The following SLC39A3 variants were observed in gnomAD, a reference collection of about 807,000 sequenced individuals.
The protein encoded by SLC39A3 is solute carrier family 39 member 3.
A neutral mutation model predicts 5.1 loss-of-function variants in SLC39A3; 3 were observed. The ratio of observed to expected loss-of-function variants is 0.59; its 90% CI spans 0.27 to 1.54. The LOEUF is 1.54. SLC39A3 is among the 40% of genes most tolerant of loss of function. The pLI is 0.12. For missense variants in SLC39A3, 412 were observed against 436.4 expected (o/e 0.94, Z 0.50); for synonymous variants, 250 against 218.8 (o/e 1.14, Z -1.26).
rs550964582 is a variant in SLC39A3 at position 2,737,395 on chromosome 19, G to A, written c.-122-16C>T. On this transcript the variant is annotated splice_polypyrimidine_tract_variant and intron_variant, in intron 1 of 2. Transcript: ENST00000269740. ...AGTCCAGCAACTGTGAACATCAGGG[G>A]CACTGCATTAGCTTTCTTTCTTTTT... is the stretch of plus-strand genomic sequence containing the variant. The A allele has an allele frequency of 4.2e-6, 6 of 1,412,988 alleles. No homozygotes were observed. The East Asian group carries it at 1.0e-4, about 24-fold the overall frequency. 87.5% of individuals were successfully genotyped at this position (1,412,988 alleles called of 1,614,324 possible).
Position 2,735,898 on chromosome 19 carries a change from G to A in SLC39A3, c.210+1150C>T, listed in dbSNP as rs1914351226. 1.7e-5 allele frequency: 17 copies of A among 985,402 alleles called. No homozygotes were observed. In the South Asian group the frequency reaches 4.7e-4, roughly 27 times the overall value. 61.0% of individuals were successfully genotyped at this position (985,402 alleles called of 1,614,324 possible). A position where few individuals can be genotyped will look rare whatever the true frequency, so the allele number is the denominator to read the frequency against. ...CTCCTCCTTTCTGGACACTAGGCAC[G>A]AGGAAAAGCAGGGCCAGGGGTTGGG... On this transcript the variant is annotated intron_variant, in intron 2 of 2. Transcript: ENST00000269740. The surrounding 1 kb of genome is among the most constrained non-coding windows in gnomAD (Gnocchi z 5.7).
Position 2,734,991 on chromosome 19 carries a change from G to A in SLC39A3, c.211-1506C>T. On this transcript the variant is annotated intron_variant, in intron 2 of 2. Transcript: ENST00000269740. The surrounding 1 kb of genome is among the most constrained non-coding windows in gnomAD (Gnocchi z 4.6). The stretch of plus-strand genomic sequence containing the variant: ...TGCAGTGGGTGAGGCTGGGGGCTCG[G>A]GAGTAGGGACCTCATCCGCCTGACC... 2.0e-6 allele frequency: 2 copies of A among 985,486 alleles called. No individual in the cohort carries two copies. Among genetic ancestry groups the A allele is most frequent in the Non-Finnish European group, 2.4e-6 (2 of 829,976 alleles). 61.0% of individuals were successfully genotyped at this position (985,486 alleles called of 1,614,324 possible).
chr19:2,737,484 C>A (rs1914408991), intron 1 of SLC39A3, 105 bp from the exon 2 acceptor site: 3 of 686,028 alleles, frequency 4.4e-6, no homozygotes, highest in Non-Finnish European at 6.8e-6. Context: ...GGTGCAATCT[C>A]CGCTCACTGC....
In SLC39A3 at chr19:2,735,662, G is replaced by T; in HGVS notation, c.210+1386C>A. The T allele has an allele frequency of 4.7e-6, 1 of 214,062 alleles. No homozygotes were observed. The highest frequency in any genetic ancestry group is 8.0e-6 in the Non-Finnish European group (1 of 124,678). The allele number at this position is 214,062 out of a possible 1,614,324, so 13.3% of individuals were successfully genotyped here. ...ATGAACTCAGCGCTAACCGATCTGGGGCGGTCATCACAGCTGCAACATCCC... is the reference window on the plus strand; with the variant it reads ...ATGAACTCAGCGCTAACCGATCTGGTGCGGTCATCACAGCTGCAACATCCC... On this transcript the variant is annotated intron_variant, in intron 2 of 2. Transcript: ENST00000269740. The surrounding 1 kb of genome is among the most constrained non-coding windows in gnomAD (Gnocchi z 5.7).
Position 2,735,207 on chromosome 19 carries a change from G to A in SLC39A3, c.211-1722C>T. 2.0e-6 allele frequency: 2 copies of A among 985,464 alleles called. No homozygotes were observed. The highest frequency in any genetic ancestry group is 2.4e-6 in the Non-Finnish European group (2 of 829,956). The allele number at this position is 985,464 out of a possible 1,614,324, so 61.0% of individuals were successfully genotyped here. ...CTGCGATGCAGGAGATGTCAGAGAT[G>A]ACCAAGATCTCCATCCTCGCAGTGC... is the stretch of plus-strand genomic sequence containing the variant. On this transcript the variant is annotated intron_variant, in intron 2 of 2. Coordinates refer to ENST00000269740, the MANE Select transcript of SLC39A3 (RefSeq NM_144564.5). This position sits in a 1 kb window ranked among gnomAD's most constrained non-coding sequence, Gnocchi z 5.7.
chr19:2,736,271 C>T (rs1388775627), intron 2 of SLC39A3: 1 of 851,892 alleles, frequency 1.2e-6, no homozygotes, highest in Non-Finnish European at 1.4e-6. Context: ...ATGGGAAGGA[C>T]TTGAACTTGC....
rs146920251 is a variant in SLC39A3 at position 2,733,987 on chromosome 19, G to A, written c.211-502C>T. Reference sequence around the variant, plus strand: ...GCACTGGCCTTGCGTGTTCTGCCGCGGGGCCTCCTCTCTGCTTCCCTGACC... The same window carrying A: ...GCACTGGCCTTGCGTGTTCTGCCGCAGGGCCTCCTCTCTGCTTCCCTGACC... On this transcript the variant is annotated intron_variant, in intron 2 of 2. Coordinates refer to ENST00000269740, the MANE Select transcript of SLC39A3 (RefSeq NM_144564.5). This position sits in a 1 kb window ranked among gnomAD's most constrained non-coding sequence, Gnocchi z 6.1. Among the ~76,000 whole-genome samples the A allele has an allele frequency of 9.3e-3, 1,419 of 152,290 alleles. 16 individuals are homozygous for A. The highest frequency in any genetic ancestry group is 0.032 in the African/African-American group (1,337 of 41,558).
At position 2,733,233 on chromosome 19, in the gene SLC39A3, G is replaced by T. The variant is rs760143378; in HGVS notation, c.463C>A (p.Pro155Thr). 1 of 1,608,824 alleles carries T rather than the reference G, an allele frequency of 6.2e-7. No homozygotes were observed. The highest frequency in any genetic ancestry group is 8.5e-7 in the Non-Finnish European group (1 of 1,177,534). Reference protein sequence around the residue: ...ALYVEPHGHGPSLSVQGLSRA... With the variant: ...ALYVEPHGHGTSLSVQGLSRA... ...GAGAGGCCCTGCACGCTCAGGCTGG[G>T]GCCGTGGCCGTGGGGCTCCACGTAC... Residue 155 changes from proline to threonine, a missense_variant, in exon 3 of 3, where the codon CCC becomes ACC. By Grantham distance (38) the Pro-to-Thr change is conservative. Coordinates refer to ENST00000269740, the MANE Select transcript of SLC39A3 (RefSeq NM_144564.5). This position sits in a 1 kb window ranked among gnomAD's most constrained non-coding sequence, Gnocchi z 6.1.
At chr19:2,737,430 T>G in intron 1 of SLC39A3, 51 bp from the exon 2 acceptor site, 1 of 1,285,052 alleles carries the variant, frequency 7.8e-7, no homozygotes, top group Non-Finnish European at 1.0e-6. Context: ...TTCTTTTTTT[T>G]TTTTTAGACA....
rs369270110 is a variant in SLC39A3 at position 2,733,292 on chromosome 19, C to T, written c.404G>A (p.Ser135Asn). The change falls in exon 3 of 3, where the codon AGC becomes AAC. Residue 135 changes from serine to asparagine, a missense_variant. By Grantham distance (46) the Ser-to-Asn change is conservative (BLOSUM62 1). Transcript: ENST00000269740. This position sits in a 1 kb window ranked among gnomAD's most constrained non-coding sequence, Gnocchi z 6.1. ...GCCCCGCGCGCCCCCCATGAAGGGG[C>T]TCTCATACTCCGAGTCGCTGCCCAC... is the stretch of plus-strand genomic sequence containing the variant. ...SDVGSDSEYESPFMGGARGHA... is the reference protein window; with the variant it reads ...SDVGSDSEYENPFMGGARGHA... 1.9e-5 allele frequency: 30 copies of T among 1,612,832 alleles called. No homozygotes were observed. The highest frequency in any genetic ancestry group is 2.4e-5 in the Non-Finnish European group (28 of 1,180,008).
chr19:2,736,114 C>T, intron 2 of SLC39A3: 2 of 985,584 alleles, frequency 2.0e-6, no homozygotes, highest in Non-Finnish European at 2.4e-6. Flanking sequence ...AGGGGACCCA[C>T]ACTCTGGGCT....
chr19:2,738,572 C>T (rs762601430), intron 1 of SLC39A3, among the ~76,000 whole-genome samples: 1 of 152,244 alleles, frequency 6.6e-6, no homozygotes, highest in Middle Eastern at 3.4e-3. Context: ...TCCAGCGAGG[C>T]CTCCTTCTTC....
In SLC39A3 at chr19:2,735,276, C is replaced by G. The variant is rs1914325312; in HGVS notation, c.210+1772G>C. 1.1e-6 allele frequency: 1 copy of G among 932,858 alleles called. No homozygotes were observed. Among genetic ancestry groups the G allele is most frequent in the South Asian group, 4.9e-5 (1 of 20,244 alleles). 57.8% of individuals were successfully genotyped at this position (932,858 alleles called of 1,614,324 possible). On this transcript the variant is annotated intron_variant, in intron 2 of 2. Coordinates refer to ENST00000269740, the MANE Select transcript of SLC39A3 (RefSeq NM_144564.5). The surrounding 1 kb of genome is among the most constrained non-coding windows in gnomAD (Gnocchi z 5.7). ...ACCGCGTAACGAACGAATGCAGACT[C>G]AGCCACGCGGAACAGCAGGAATGCG...
Position 2,737,038 on chromosome 19 carries a change from G to A in SLC39A3, c.210+10C>T, listed in dbSNP as rs369412243. The A allele has an allele frequency of 1.2e-6, 2 of 1,613,864 alleles. No homozygotes were observed. The highest frequency in any genetic ancestry group is 1.3e-5 in the African/African-American group (1 of 74,894). Reference sequence around the variant, plus strand: ...CCAAGGGCTGCTGCTAGTGCCCAGGGAGCCCTTACCTTTTCCCTCACAGCG... The same window carrying A: ...CCAAGGGCTGCTGCTAGTGCCCAGGAAGCCCTTACCTTTTCCCTCACAGCG... On this transcript the variant is annotated intron_variant, in intron 2 of 2. Coordinates refer to ENST00000269740, the MANE Select transcript of SLC39A3 (RefSeq NM_144564.5).
At chr19:2,739,023 C>T (rs1161987463) in intron 1 of SLC39A3, among the ~76,000 whole-genome samples, 1 of 149,140 alleles carries the variant, frequency 6.7e-6, no homozygotes, top group Admixed American at 6.7e-5. Flanking sequence ...TTGCTTCAAC[C>T]CAGGAGGTGG....
chr19:2,733,015 C>T lies in SLC39A3; in HGVS notation c.681G>A (p.Arg227=), dbSNP rs749216889. 2 of 1,602,442 alleles carry T rather than the reference C, an allele frequency of 1.2e-6. No homozygotes were observed. Among genetic ancestry groups the T allele is most frequent in the South Asian group, 1.1e-5 (1 of 90,246 alleles). The change falls in exon 3 of 3, where the codon CGG becomes CGA. Residue 227 remains arginine (R), a synonymous_variant. Transcript: ENST00000269740. The surrounding 1 kb of genome is among the most constrained non-coding windows in gnomAD (Gnocchi z 6.1). ...ISMARSAMPL[R]DAAKLAVTVS... is the part of the protein sequence containing the mutation. ...CGGTGACCGCCAGCTTGGCCGCGTC[C>T]CGCAGGGGCATGGCACTCCGGGCCA...
At position 2,734,642 on chromosome 19, in the gene SLC39A3, T is replaced by C. The variant is rs1308512380; in HGVS notation, c.211-1157A>G. ...GGCACTGCAGGGTGCTGCTGAGCAG[T>C]GTCTCTGGCCTCCACCCACTCCAGG... is the stretch of plus-strand genomic sequence containing the variant. On this transcript the variant is annotated intron_variant, in intron 2 of 2. Transcript: ENST00000269740. The surrounding 1 kb of genome is among the most constrained non-coding windows in gnomAD (Gnocchi z 4.6). 1.4e-6 allele frequency: 1 copy of C among 721,158 alleles called. No homozygotes were observed. The highest frequency in any genetic ancestry group is 1.7e-6 in the Non-Finnish European group (1 of 588,546). 44.7% of individuals were successfully genotyped at this position (721,158 alleles called of 1,614,324 possible). A position where few individuals can be genotyped will look rare whatever the true frequency, so the allele number is the denominator to read the frequency against.
rs896606632 is a variant in SLC39A3, at chr19:2,735,078, G to C, written c.211-1593C>G. 2 of 985,346 alleles carry C rather than the reference G, an allele frequency of 2.0e-6. No individual in the cohort carries two copies. Among genetic ancestry groups the C allele is most frequent in the Non-Finnish European group, 2.4e-6 (2 of 829,982 alleles). 61.0% of individuals were successfully genotyped at this position (985,346 alleles called of 1,614,324 possible). On this transcript the variant is annotated intron_variant, in intron 2 of 2. Coordinates refer to ENST00000269740, the MANE Select transcript of SLC39A3 (RefSeq NM_144564.5). The surrounding 1 kb of genome is among the most constrained non-coding windows in gnomAD (Gnocchi z 5.7). ...TGCCATGAGAAGGCCACTGTGATGA[G>C]GGGGAGGGAAGAGCAAGCTCCCCGC...
chr19:2,738,824 C>A (rs1324169739), intron 1 of SLC39A3, among the ~76,000 whole-genome samples: 1 of 151,954 alleles, frequency 6.6e-6, no homozygotes, highest in Non-Finnish European at 1.5e-5. Flanking sequence ...GTAATCCCAG[C>A]TACTTGGGAG....
Sources: allele counts gnomAD v4.1 joint callset (sites outside exome capture counted in the v4.1 genomes callset), GRCh38; gene constraint gnomAD v4.1.1; non-coding constraint Gnocchi (gnomAD v3.1); transcripts MANE v1.5; gene names NCBI Gene and HGNC (gene_info 2026-07-23, HGNC 2026-07-21).